SLC6A4: variants seen among roughly 807,000 people sequenced by gnomAD.
The protein encoded by SLC6A4 is solute carrier family 6 member 4.
A neutral mutation model predicts 73.4 loss-of-function variants in SLC6A4; 22 were observed. The observed-to-expected ratio is 0.30, with a 90% confidence interval of 0.21 to 0.43. The LOEUF (loss-of-function observed/expected upper bound fraction) is 0.43, where lower values mean the gene tolerates loss of function less well. SLC6A4 is among the 20% of genes least tolerant of loss of function. The pLI, the probability that SLC6A4 is intolerant of heterozygous loss-of-function variation, is 1.00. For missense variants in SLC6A4, 593 were observed against 808.5 expected, an observed-to-expected ratio of 0.73 and a Z score of 3.23; for synonymous variants, 270 against 315.5, an observed-to-expected ratio of 0.86 and a Z score of 1.53.
chr17:30,226,073 A>C (rs903996556), intron 1 of SLC6A4, among the ~76,000 whole-genome samples: 2 of 152,224 alleles, frequency 1.3e-5, no homozygotes, highest in Non-Finnish European at 2.9e-5. Flanking sequence ...GCAGAAAGAC[A>C]CTACAGAAAT....
intron 7 of SLC6A4, 60 bp from the exon 8 acceptor site, chr17:30,215,774 C>T: frequency 1.4e-6 from 2 of 1,440,518 alleles, no homozygotes; most frequent in South Asian, 1.1e-5. Context: ...TACCCTGGCA[C>T]CAACAGGGTC....
Position 30,216,085 on chromosome 17 carries a change from T to C in SLC6A4, c.969A>G (p.Thr323=), listed in dbSNP as rs1293540415. 2.5e-6 allele frequency: 4 copies of C among 1,613,058 alleles called. No homozygotes were observed. Among genetic ancestry groups the C allele is most frequent in the Non-Finnish European group, 2.5e-6 (3 of 1,179,484 alleles). ...CATATTTCCCTCATCATCTTACCCC[T>C]GTCTCCAGGAGTTTCTGCCAATTGG... is the stretch of plus-strand genomic sequence containing the variant. ...LKPNWQKLLE[T]GVWIDAAAQI... The change falls in exon 7 of 15, where the codon ACA becomes ACG. Residue 323 remains threonine (T), a synonymous_variant. Coordinates refer to ENST00000650711, the MANE Select transcript of SLC6A4 (RefSeq NM_001045.6).
rs1906584498 is a variant in SLC6A4 at position 30,216,652 on chromosome 17, T to C, written c.838-436A>G. Among the ~76,000 whole-genome samples the C allele has an allele frequency of 2.0e-5, 3 of 151,988 alleles. No individual in the cohort carries two copies. In the South Asian group the frequency reaches 6.2e-4, roughly 32 times the overall value. ...ATGGTTCTTGGCATTGGCCCATTTC[T>C]AGAAAATATTCTTTTTTCTTTTCCT... On this transcript the variant is annotated intron_variant, in intron 6 of 14. Transcript: ENST00000650711.
At chr17:30,233,260 G>T (rs553917425) in intron 1 of SLC6A4, among the ~76,000 whole-genome samples, 2 of 152,190 alleles carry the variant, frequency 1.3e-5, no homozygotes, top group Non-Finnish European at 2.9e-5. Context: ...GACTGGACAG[G>T]AAAATCGGTG....
intron 13 of SLC6A4, chr17:30,204,575 T>G (rs540168241): frequency 6.6e-6 from 1 of 152,312 alleles, no homozygotes; most frequent in South Asian, 2.1e-4. Flanking sequence ...GGACTCAACC[T>G]CCGGTTGGGG....
At position 30,207,762 on chromosome 17, in the gene SLC6A4, G is replaced by A; in HGVS notation, c.1620C>T (p.Cys540=). 6.2e-7 allele frequency: 1 copy of A among 1,613,636 alleles called. No homozygotes were observed. The highest frequency in any genetic ancestry group is 8.5e-7 in the Non-Finnish European group (1 of 1,179,580). Reference sequence around the variant, plus strand: ...GAAACAGAGGGCTGATGGCCACCCAGCAGATCCTCCAGAACCACCCCGGGC... The same window carrying A: ...GAAACAGAGGGCTGATGGCCACCCAACAGATCCTCCAGAACCACCCCGGGC... ...GFSPGWFWRI[C]WVAISPLFLL... is the part of the protein sequence containing the mutation. Residue 540 remains cysteine (C), a synonymous_variant, in exon 13 of 15, where the codon TGC becomes TGT. Transcript: ENST00000650711.
rs542646995 is a variant in SLC6A4 at position 30,219,443 on chromosome 17, C to T, written c.344-512G>A. ...TTCCGATGCAGCCAGTACCTGGGAC[C>T]CTTGGAACAGATCACCTGTGACAAT... is the stretch of plus-strand genomic sequence containing the variant. On this transcript the variant is annotated intron_variant, in intron 3 of 14. Coordinates refer to ENST00000650711, the MANE Select transcript of SLC6A4 (RefSeq NM_001045.6). Among the ~76,000 whole-genome samples the T allele has an allele frequency of 2.6e-5, 4 of 152,260 alleles. No individual in the cohort carries two copies. In the East Asian group the frequency reaches 7.7e-4, roughly 29 times the overall value.
At chr17:30,232,921 C>T (rs1907156975) in intron 1 of SLC6A4, among the ~76,000 whole-genome samples, 1 of 152,186 alleles carries the variant, frequency 6.6e-6, no homozygotes, top group African/African-American at 2.4e-5. Flanking sequence ...CGGGGCTGTG[C>T]AGGCCAATGG....
At position 30,195,754 on chromosome 17, in the gene SLC6A4, A is replaced by G. The variant is rs1326016266; in HGVS notation, c.*2702T>C. The stretch of plus-strand genomic sequence containing the variant: ...AATGAAGTGGGGAAGGGGCAATACT[A>G]TGGAAAATAGAAAAAGAAGACTTAA... On this transcript the variant is annotated 3_prime_UTR_variant, in exon 15 of 15. Transcript: ENST00000650711. 1 of 152,108 alleles carries G rather than the reference A, an allele frequency of 6.6e-6. No homozygotes were observed. The highest frequency in any genetic ancestry group is 1.5e-5 in the Non-Finnish European group (1 of 68,018). The allele number at this position is 152,108 out of a possible 1,614,324, so 9.4% of individuals were successfully genotyped here. A position where few individuals can be genotyped will look rare whatever the true frequency, so the allele number is the denominator to read the frequency against.
intron 1 of SLC6A4, among the ~76,000 whole-genome samples, chr17:30,230,113 GGAAGAGGAA>G (rs1441232951): frequency 5.3e-4 from 71 of 134,346 alleles, no homozygotes; most frequent in South Asian, 1.2e-3. Context: ...AAGAGGAAGA[GGAAGAGGAA>G]GAGGAGGAGG....
rs779445705 is a variant in SLC6A4, at chr17:30,221,598, G to T, written c.343+18C>A. The T allele has an allele frequency of 5.0e-6, 8 of 1,597,542 alleles. No individual in the cohort carries two copies. Among genetic ancestry groups the T allele is most frequent in the Admixed American group, 1.7e-5 (1 of 59,776 alleles). On this transcript the variant is annotated intron_variant, in intron 3 of 14. Transcript: ENST00000650711. ...CCACCCTGGGTCACAGCCTCTACTC[G>T]CAGCCTGTGATACTGACCCCCTCCA...
At position 30,226,486 on chromosome 17, in the gene SLC6A4, G is replaced by A. The variant is rs143279929; in HGVS notation, c.-220-3571C>T. On this transcript the variant is annotated intron_variant, in intron 1 of 14. Transcript: ENST00000650711. ...AAGCCAAGGCGGGCGGATCACCTGA[G>A]GTCAGGAGTTTGAGACCAGCGTGGC... Among the ~76,000 whole-genome samples, 457 of 152,340 alleles carry A rather than the reference G, an allele frequency of 3.0e-3. 1 individual carries two copies. The highest frequency in any genetic ancestry group is 0.01 in the Middle Eastern group (3 of 294).
chr17:30,217,080 G>A, intron 6 of SLC6A4, 86 bp downstream of exon 6: 1 of 1,145,930 alleles, frequency 8.7e-7, no homozygotes, highest in Non-Finnish European at 1.3e-6. Context: ...AGGAAACAGT[G>A]CTGTCTGTCC....
chr17:30,232,475 G>A (rs1907142377), intron 1 of SLC6A4, among the ~76,000 whole-genome samples: 1 of 152,214 alleles, frequency 6.6e-6, no homozygotes, highest in Non-Finnish European at 1.5e-5. Flanking sequence ...ACATCACTGG[G>A]TTGCGTCTCT....
chr17:30,201,614 G>A (rs1906038825), intron 14 of SLC6A4, among the ~76,000 whole-genome samples: 1 of 152,206 alleles, frequency 6.6e-6, no homozygotes, highest in Non-Finnish European at 1.5e-5. Context: ...ACAGATGACC[G>A]GAAGGAATGC....
At chr17:30,218,994 T>C (rs1906668051) in intron 3 of SLC6A4, 63 bp from the exon 4 acceptor site, 2 of 1,595,992 alleles carry the variant, frequency 1.3e-6, no homozygotes, top group African/African-American at 2.7e-5. Context: ...GCCCAACCAA[T>C]CTGTGACTGA....
rs9303630 is a variant in SLC6A4 at position 30,226,872 on chromosome 17, C to CAAAAAAAA, written c.-220-3965_-220-3958dup. Among the ~76,000 whole-genome samples, 4 of 112,336 alleles carry CAAAAAAAA rather than the reference C, an allele frequency of 3.6e-5. 1 individual carries two copies. Among genetic ancestry groups the CAAAAAAAA allele is most frequent in the Non-Finnish European group, 7.1e-5 (4 of 56,736 alleles). 73.7% of individuals were successfully genotyped at this position (112,336 alleles called of 152,430 possible). A position where few individuals can be genotyped will look rare whatever the true frequency, so the allele number is the denominator to read the frequency against. On this transcript the variant is annotated intron_variant, in intron 1 of 14. Coordinates refer to ENST00000650711, the MANE Select transcript of SLC6A4 (RefSeq NM_001045.6). ...TGGGCGATAGAGTGAGACTCTGTCT[C>CAAAAAAAA]AAAAAAAAAAGAAAAAGAAAGAAAA...
intron 13 of SLC6A4, among the ~76,000 whole-genome samples, chr17:30,207,195 G>A (rs1328818181): frequency 1.3e-5 from 2 of 152,162 alleles, no homozygotes; most frequent in African/African-American, 4.8e-5. Context: ...GGTGTTAGGA[G>A]TCAGAAGGGT....
rs183424190 is a variant in SLC6A4, at chr17:30,210,900, T to C, written c.1318-254A>G. 8.5e-5 allele frequency among the ~76,000 whole-genome samples: 13 copies of C among 152,276 alleles called. No individual in the cohort carries two copies. The East Asian group carries it at 2.3e-3, about 27-fold the overall frequency. ...GGACAGAACTTCAATATATGAGGTC[T>C]CTCGGGGAGACTCCGTTTGCACCAG... On this transcript the variant is annotated intron_variant, in intron 10 of 14. Coordinates refer to ENST00000650711, the MANE Select transcript of SLC6A4 (RefSeq NM_001045.6).
Sources: allele counts gnomAD v4.1 joint callset (sites outside exome capture counted in the v4.1 genomes callset), GRCh38; gene constraint gnomAD v4.1.1; transcripts MANE v1.5; gene names NCBI Gene and HGNC (gene_info 2026-07-23, HGNC 2026-07-21).